RNF157: variants seen among roughly 807,000 people sequenced by gnomAD.
RNF157 encodes the protein ring finger protein 157, also known as E3 ubiquitin ligase RNF157.
A neutral mutation model predicts 88.3 loss-of-function variants in RNF157; 55 were observed. That is an observed-to-expected ratio of 0.62 (90% CI 0.50 to 0.78). The LOEUF (loss-of-function observed/expected upper bound fraction) is 0.78. RNF157 is among the 30% of genes least tolerant of loss of function. The probability of loss-of-function intolerance (pLI) is 0.00; values close to 1 mark genes in which losing one functional copy is unlikely to be tolerated. For missense variants in RNF157, 788 were observed against 860.8 expected (o/e 0.92, Z 1.06); for synonymous variants, 334 against 341.2 (o/e 0.98, Z 0.23).
chr17:76,178,093 A>G (rs1180277536), intron 2 of RNF157, among the ~76,000 whole-genome samples: 3 of 152,208 alleles, frequency 2.0e-5, no homozygotes, highest in Non-Finnish European at 4.4e-5. Context: ...TTTTGGACCC[A>G]TGGAATGGTG....
chr17:76,225,638 T>C, intron 1 of RNF157: 2 of 988,674 alleles, frequency 2.0e-6, no homozygotes, highest in South Asian at 2.1e-5. Context: ...ACCTCATTGT[T>C]TTTAGTGGCC....
At chr17:76,147,338 T>C in intron 18 of RNF157, 5 of 986,012 alleles carry the variant, frequency 5.1e-6, no homozygotes, top group Non-Finnish European at 6.0e-6. Context: ...CAAAAGCAAA[T>C]GGTAAACAAG....
chr17:76,161,733 C>G lies in RNF157; in HGVS notation c.953-86G>C, dbSNP rs1832788980. On this transcript the variant is annotated intron_variant, in intron 10 of 18. Transcript: ENST00000269391. The surrounding 1 kb of genome is among the most constrained non-coding windows in gnomAD (Gnocchi z 4.6). ...CCCAGACAGAAACCATGATCCCTCC[C>G]AGCGCGCATCCGTTTGTCAGATCCA... 1 of 1,523,340 alleles carries G rather than the reference C, an allele frequency of 6.6e-7. No individual in the cohort carries two copies. 94.4% of individuals were successfully genotyped at this position (1,523,340 alleles called of 1,614,324 possible).
At chr17:76,184,189 T>TAAAAAAA (rs542969861) in intron 2 of RNF157, among the ~76,000 whole-genome samples, 1 of 110,812 alleles carries the variant, frequency 9.0e-6, no homozygotes, top group African/African-American at 3.3e-5. Context: ...AGACTCCATC[T>TAAAAAAA]AAAAAAAAAA....
At chr17:76,233,057 A>G (rs2070221335) in intron 1 of RNF157, among the ~76,000 whole-genome samples, 1 of 151,978 alleles carries the variant, frequency 6.6e-6, no homozygotes, top group Non-Finnish European at 1.5e-5. Context: ...AGTAGCTGTG[A>G]CTACAGGTAC....
intron 1 of RNF157, chr17:76,225,721 A>C: frequency 6.8e-7 from 1 of 1,473,334 alleles, no homozygotes; most frequent in Non-Finnish European, 9.1e-7. Flanking sequence ...TCTATGTACA[A>C]GCACGTTGAC....
intron 11 of RNF157, 38 bp from the exon 12 acceptor site, chr17:76,159,611 T>A (rs1361364872): frequency 6.9e-7 from 1 of 1,440,244 alleles, no homozygotes. Flanking sequence ...ATTAATTAGG[T>A]CCTTTTTGTT....
Position 76,144,803 on chromosome 17 carries a change from A to C in RNF157, c.*432T>G, listed in dbSNP as rs2068560910. ...TCCCTTTCCACAGGAGCGATCCTCC[A>C]GCCCTACCCCAAACTGCAGGTTTCC... On this transcript the variant is annotated 3_prime_UTR_variant, in exon 19 of 19. Transcript: ENST00000269391. The C allele has an allele frequency of 1.9e-5, 3 of 158,202 alleles. No homozygotes were observed. The South Asian group carries it at 5.7e-4, about 30-fold the overall frequency. The allele number at this position is 158,202 out of a possible 1,614,324, so 9.8% of individuals were successfully genotyped here. A position where few individuals can be genotyped will look rare whatever the true frequency, so the allele number is the denominator to read the frequency against.
chr17:76,211,315 A>G lies in RNF157; in HGVS notation c.207+1049T>C, dbSNP rs562007401. On this transcript the variant is annotated intron_variant, in intron 2 of 18. Transcript: ENST00000269391. ...GCCTCATCCAACCCACCATTCTTCA[A>G]AGGCCAGTTCAACTCCCTGCACCTC... 6.6e-5 allele frequency among the ~76,000 whole-genome samples: 10 copies of G among 152,304 alleles called. No homozygotes were observed. The South Asian group carries it at 2.1e-3, about 32-fold the overall frequency.
chr17:76,228,116 A>G (rs913654400), intron 1 of RNF157, among the ~76,000 whole-genome samples: 2 of 152,178 alleles, frequency 1.3e-5, no homozygotes, highest in African/African-American at 4.8e-5. Flanking sequence ...AAAACCATTT[A>G]TGGAATATTC....
At chr17:76,229,101 A>C (rs1164975777) in intron 1 of RNF157, among the ~76,000 whole-genome samples, 1 of 152,072 alleles carries the variant, frequency 6.6e-6, no homozygotes, top group Non-Finnish European at 1.5e-5. Context: ...CTTGTCTCAC[A>C]CTTCATTTAC....
In RNF157 at chr17:76,145,309, G is replaced by A. The variant is rs770189936; in HGVS notation, c.1966C>T (p.Arg656Cys). The A allele has an allele frequency of 8.4e-5, 136 of 1,612,566 alleles. No individual in the cohort carries two copies. In the East Asian group the frequency reaches 2.5e-3, roughly 30 times the overall value. The change falls in exon 19 of 19, where the codon CGC becomes TGC. Residue 656 changes from arginine (R) to cysteine (C), a missense_variant. Coordinates refer to ENST00000269391, the MANE Select transcript of RNF157 (RefSeq NM_052916.3). ...DDNAVSRNAQRRRLSSSSLED... is the reference protein window; with the variant it reads ...DDNAVSRNAQCRRLSSSSLED... ...AGGCTGCTGGATGACAAGCGCCGGCGCTGGGCATTCCGACTGACGGCATTG... is the reference window on the plus strand; with the variant it reads ...AGGCTGCTGGATGACAAGCGCCGGCACTGGGCATTCCGACTGACGGCATTG...
intron 1 of RNF157, among the ~76,000 whole-genome samples, chr17:76,217,751 T>C (rs1337106727): frequency 1.3e-5 from 2 of 152,190 alleles, no homozygotes; most frequent in African/African-American, 4.8e-5. Flanking sequence ...CCTTGCCTAT[T>C]TGCTAACGGG....
At chr17:76,224,822 C>T (rs1017569055) in intron 1 of RNF157, among the ~76,000 whole-genome samples, 6 of 152,098 alleles carry the variant, frequency 3.9e-5, no homozygotes, top group African/African-American at 1.4e-4. Context: ...CCACATGTAG[C>T]CCAGCCCATG....
In RNF157 at chr17:76,160,974, A is replaced by T. The variant is rs1277861705; in HGVS notation, c.1065+561T>A. 1.3e-5 allele frequency among the ~76,000 whole-genome samples: 2 copies of T among 152,218 alleles called. No homozygotes were observed. The highest frequency in any genetic ancestry group is 2.9e-5 in the Non-Finnish European group (2 of 68,046). ...CTAATTTTTCCTCCTGAAATAGCTAACTAATTATCCCAATACCATTCACTA... is the reference window on the plus strand; with the variant it reads ...CTAATTTTTCCTCCTGAAATAGCTATCTAATTATCCCAATACCATTCACTA... On this transcript the variant is annotated intron_variant, in intron 11 of 18. Transcript: ENST00000269391. The surrounding 1 kb of genome is among the most constrained non-coding windows in gnomAD (Gnocchi z 4.3).
chr17:76,190,602 CAA>C (rs557182055), intron 2 of RNF157, among the ~76,000 whole-genome samples: 24 of 102,854 alleles, frequency 2.3e-4, no homozygotes, highest in Admixed American at 3.2e-4. Context: ...GACCCCATCT[CAA>C]AAAAAAAAAA....
chr17:76,185,148 CA>C (rs2069259008), intron 2 of RNF157, among the ~76,000 whole-genome samples: 1 of 152,146 alleles, frequency 6.6e-6, no homozygotes, highest in African/African-American at 2.4e-5. Flanking sequence ...GCAACATGCT[CA>C]GTCCCACTCT....
rs1363235797 is a variant in RNF157, at chr17:76,182,847, ATATATAG to A, written c.208-9064_208-9058del. On this transcript the variant is annotated intron_variant, in intron 2 of 18. Transcript: ENST00000269391. ...ATATATCCTATATATGATATATAGGATATATAGGATATATATATCCTATATATCATAA... is the reference window on the plus strand; with the variant it reads ...ATATATCCTATATATGATATATAGGAGATATATATATCCTATATATCATAA... 7.6e-4 allele frequency among the ~76,000 whole-genome samples: 107 copies of A among 141,338 alleles called. 1 individual carries two copies. Among genetic ancestry groups the A allele is most frequent in the African/African-American group, 2.3e-3 (84 of 36,350 alleles). 92.7% of individuals were successfully genotyped at this position (141,338 alleles called of 152,430 possible). A position where few individuals can be genotyped will look rare whatever the true frequency, so the allele number is the denominator to read the frequency against.
chr17:76,240,316 C>G lies in RNF157; in HGVS notation c.-76G>C, dbSNP rs2145100926. On this transcript the variant is annotated 5_prime_UTR_variant, in exon 1 of 19. Transcript: ENST00000269391. This position sits in a 1 kb window ranked among gnomAD's most constrained non-coding sequence, Gnocchi z 4.4. ...CGCGCTTCACCGCGGCCGCCCGCCC[C>G]GCGCCCGGTGCGGGGGCCGACTGCC... The G allele has an allele frequency of 1.4e-6, 1 of 722,140 alleles. No homozygotes were observed. The highest frequency in any genetic ancestry group is 1.7e-6 in the Non-Finnish European group (1 of 592,370). The allele number at this position is 722,140 out of a possible 1,614,324, so 44.7% of individuals were successfully genotyped here.
Sources: allele counts gnomAD v4.1 joint callset (sites outside exome capture counted in the v4.1 genomes callset), GRCh38; gene constraint gnomAD v4.1.1; non-coding constraint Gnocchi (gnomAD v3.1); transcripts MANE v1.5; gene names NCBI Gene and HGNC (gene_info 2026-07-23, HGNC 2026-07-21).